PIBF1: variants seen among roughly 807,000 people sequenced by gnomAD.
PIBF1 encodes progesterone-induced-blocking factor 1.
Under a neutral mutation model 112.5 loss-of-function variants are expected in PIBF1, and 90 were observed. That is an observed-to-expected ratio of 0.80 (90% CI 0.67 to 0.95). PIBF1 has a LOEUF of 0.95. Among genes scored for constraint, PIBF1 ranks in the 40% least tolerant of loss-of-function variants. The pLI is 0.00. For synonymous variants in PIBF1, 301 were observed against 288.6 expected (o/e 1.04, Z -0.44); for missense variants, 915 against 852.3 (o/e 1.07, Z -0.92).
intron 14 of PIBF1, among the ~76,000 whole-genome samples, chr13:72,952,678 T>C (rs1049153124): frequency 1.2e-4 from 18 of 150,514 alleles, no homozygotes; most frequent in Middle Eastern, 6.8e-3. Context: ...GGGATGTGAC[T>C]TTATGGTTTC....
chr13:73,011,111 G>A (rs1373549055), intron 17 of PIBF1, among the ~76,000 whole-genome samples: 2 of 152,074 alleles, frequency 1.3e-5, no homozygotes, highest in Non-Finnish European at 2.9e-5. Flanking sequence ...ACAGGCGTGA[G>A]CCACCACACC....
chr13:72,923,194 C>A (rs7993688), intron 13 of PIBF1, among the ~76,000 whole-genome samples: 15,625 of 152,152 alleles, frequency 0.1, 2,293 homozygotes, highest in African/African-American at 0.33. Context: ...GAGCGTCAAT[C>A]CTCCATTGTG....
intron 11 of PIBF1, among the ~76,000 whole-genome samples, chr13:72,907,231 G>C (rs1428354225): frequency 1.3e-5 from 2 of 149,112 alleles, no homozygotes; most frequent in African/African-American, 4.8e-5. Context: ...AAAATTGAAG[G>C]AAATGATCTG....
intron 10 of PIBF1, among the ~76,000 whole-genome samples, chr13:72,878,471 G>T (rs780501670): frequency 3.9e-5 from 6 of 152,012 alleles, no homozygotes; most frequent in Admixed American, 1.3e-4. Context: ...TTGATTTCTA[G>T]TTTAATTACA....
chr13:72,910,346 C>G (rs1566436822), intron 12 of PIBF1, among the ~76,000 whole-genome samples: 1 of 152,088 alleles, frequency 6.6e-6, no homozygotes, highest in African/African-American at 2.4e-5. Flanking sequence ...CATGATTAGA[C>G]TCATGTTTAT....
At chr13:72,818,678 CTT>C (rs3077726) in intron 5 of PIBF1, among the ~76,000 whole-genome samples, 67 of 80,376 alleles carry the variant, frequency 8.3e-4, no homozygotes, top group Non-Finnish European at 1.1e-3. Flanking sequence ...CAGTCTTAAA[CTT>C]TTTTTTTTTT....
chr13:72,961,270 C>T (rs1028785058), intron 14 of PIBF1, among the ~76,000 whole-genome samples: 1 of 152,090 alleles, frequency 6.6e-6, no homozygotes, highest in African/African-American at 2.4e-5. Flanking sequence ...ATCCTTGATT[C>T]TTTCTGCCTC....
intron 5 of PIBF1, among the ~76,000 whole-genome samples, chr13:72,812,361 A>G (rs1039493212): frequency 5.3e-5 from 8 of 152,188 alleles, no homozygotes; most frequent in East Asian, 1.9e-4. Flanking sequence ...ATAGAGTACT[A>G]TCACTATGAT....
intron 11 of PIBF1, among the ~76,000 whole-genome samples, chr13:72,908,004 C>T (rs2040760732): frequency 6.6e-6 from 1 of 152,146 alleles, no homozygotes; most frequent in African/African-American, 2.4e-5. Flanking sequence ...GATACTGCCT[C>T]AAGCAGTACT....
intron 16 of PIBF1, among the ~76,000 whole-genome samples, chr13:72,987,018 G>A (rs2043312234): frequency 1.3e-5 from 2 of 152,116 alleles, no homozygotes; most frequent in Admixed American, 1.3e-4. Flanking sequence ...ATTAGAATAA[G>A]AAGTAGATAA....
At chr13:72,909,648 C>A (rs1265289099) in intron 12 of PIBF1, among the ~76,000 whole-genome samples, 1 of 151,964 alleles carries the variant, frequency 6.6e-6, no homozygotes, top group Non-Finnish European at 1.5e-5. Flanking sequence ...CATGCGCCAC[C>A]ACACCCAGCT....
chr13:72,917,032 GA>G, intron 12 of PIBF1, 43 bp from the exon 13 acceptor site: 3 of 1,267,164 alleles, frequency 2.4e-6, no homozygotes, highest in Non-Finnish European at 3.3e-6. Flanking sequence ...TTTTTTAAAG[GA>G]AAAATAAAGT....
At chr13:72,966,824 G>A (rs946250510) in intron 15 of PIBF1, among the ~76,000 whole-genome samples, 3 of 152,140 alleles carry the variant, frequency 2.0e-5, no homozygotes, top group East Asian at 3.9e-4. Flanking sequence ...CAGGAGAATC[G>A]CTTGAACCGG....
intron 10 of PIBF1, among the ~76,000 whole-genome samples, chr13:72,887,375 C>G (rs190912389): frequency 5.7e-4 from 87 of 151,776 alleles, no homozygotes; most frequent in African/African-American, 2.0e-3. Context: ...AACTTGTATA[C>G]TTTTTGTTTT....
At chr13:72,848,291 A>G (rs1317334580) in intron 9 of PIBF1, among the ~76,000 whole-genome samples, 2 of 151,936 alleles carry the variant, frequency 1.3e-5, no homozygotes, top group Non-Finnish European at 2.9e-5. Flanking sequence ...TTTTCTTACC[A>G]CTTTTCAGAT....
rs139749650 is a variant in PIBF1 at position 72,998,933 on chromosome 13, A to G, written c.2161A>G (p.Lys721Glu). Residue 721 changes from lysine (K) to glutamate (E), a missense_variant, in exon 17 of 18, where the codon AAG becomes GAG. Coordinates refer to ENST00000326291, the MANE Select transcript of PIBF1 (RefSeq NM_006346.4). Reference sequence around the variant, plus strand: ...ACATGTGACAGAAAATCAGAAATCAAAGACTTTGAATGTGCCTAAAGAGCA... The same window carrying G: ...ACATGTGACAGAAAATCAGAAATCAGAGACTTTGAATGTGCCTAAAGAGCA... ...PKHVTENQKS[K>E]TLNVPKEHED... is the part of the protein sequence containing the mutation. 3.7e-6 allele frequency: 6 copies of G among 1,612,368 alleles called. No individual in the cohort carries two copies. In the African/African-American group the frequency reaches 6.7e-5, roughly 18 times the overall value.
In PIBF1 at chr13:72,800,742, G is replaced by A. The variant is rs577578536; in HGVS notation, c.672+2716G>A. On this transcript the variant is annotated intron_variant, in intron 5 of 17. Transcript: ENST00000326291. ...TTATATTTTTAAAGGATATCTGTGAGATGTATATTGTATTTTAAAAGGGAA... is the reference window on the plus strand; with the variant it reads ...TTATATTTTTAAAGGATATCTGTGAAATGTATATTGTATTTTAAAAGGGAA... Among the ~76,000 whole-genome samples, 815 of 152,310 alleles carry A rather than the reference G, an allele frequency of 5.4e-3. 15 individuals carry two copies. Among genetic ancestry groups the A allele is most frequent in the African/African-American group, 0.018 (763 of 41,572 alleles).
At chr13:72,979,697 G>T (rs182249775) in intron 16 of PIBF1, among the ~76,000 whole-genome samples, 27 of 152,208 alleles carry the variant, frequency 1.8e-4, no homozygotes, top group African/African-American at 5.5e-4. Flanking sequence ...GCCGAGGCGG[G>T]CAGATCACAA....
intron 5 of PIBF1, among the ~76,000 whole-genome samples, chr13:72,816,078 A>G (rs76464016): frequency 0.022 from 3,330 of 152,302 alleles, 135 homozygotes; most frequent in African/African-American, 0.076. Flanking sequence ...CTCCTAATAC[A>G]TCAGTGTAGC....
Sources: gnomAD v4.1 joint callset for allele counts (sites outside exome capture counted in the v4.1 genomes callset) on GRCh38, gnomAD v4.1.1 for gene constraint, MANE v1.5 for transcripts, NCBI Gene and HGNC (gene_info 2026-07-23, HGNC 2026-07-21) for gene names.